Variants in C15orf61 observed in about 807,000 individuals in gnomAD.
C15orf61 encodes chromosome 15 open reading frame 61.
A neutral mutation model predicts 13.7 loss-of-function variants in C15orf61; 12 were observed. The observed-to-expected ratio is 0.88, with a 90% confidence interval of 0.56 to 1.42. The LOEUF is 1.42. Ranked by LOEUF, C15orf61 falls within the 40% of genes most tolerant of loss-of-function variation. The probability of loss-of-function intolerance (pLI) is 0.00; values close to 1 mark genes in which losing one functional copy is unlikely to be tolerated. For missense variants in C15orf61, 248 were observed against 213.2 expected (o/e 1.16, Z -1.02); for synonymous variants, 92 against 94.1 (o/e 0.98, Z 0.13).
chr15:67,521,848 C>A, intron 1 of C15orf61: 2 of 614,358 alleles, frequency 3.3e-6, no homozygotes, highest in Non-Finnish European at 5.8e-6. Context: ...GGGTCGCCCT[C>A]CTGTCCTGCC....
chr15:67,521,947 C>T, intron 1 of C15orf61: 3 of 687,908 alleles, frequency 4.4e-6, no homozygotes, highest in South Asian at 3.0e-5. Context: ...AAGTTGACAT[C>T]CGTCCTACTG....
rs757686013 is a variant in C15orf61 at position 67,521,338 on chromosome 15, C to T, written c.90C>T (p.Pro30=). 168 of 1,534,204 alleles carry T rather than the reference C, an allele frequency of 1.1e-4. No homozygotes were observed. Among genetic ancestry groups the T allele is most frequent in the Non-Finnish European group, 1.4e-4 (159 of 1,145,192 alleles). ...WASRAAARPK[P]SASEVLTRHL... ...CGCGCGCCGCCGCCCGCCCCAAGCC[C>T]AGCGCCTCGGAGGTGCTGACGCGGC... Residue 30 remains proline, a synonymous_variant, in exon 1 of 2, where the codon CCC becomes CCT. Coordinates refer to ENST00000342683, the MANE Select transcript of C15orf61 (RefSeq NM_001143936.2).
At chr15:67,524,836 T>TG (rs1021310214) in intron 1 of C15orf61, among the ~76,000 whole-genome samples, 19 of 122,332 alleles carry the variant, frequency 1.6e-4, no homozygotes, top group African/African-American at 3.8e-4. Context: ...CTTTTTTGTT[T>TG]GTTTTTTTTT....
rs118160235 is a variant in C15orf61 at position 67,521,664 on chromosome 15, C to G, written c.346+70C>G. The G allele has an allele frequency of 3.3e-3, 4,404 of 1,341,508 alleles. 15 individuals are homozygous for G. Among genetic ancestry groups the G allele is most frequent in the Non-Finnish European group, 4.0e-3 (3,990 of 996,484 alleles). 83.1% of individuals were successfully genotyped at this position (1,341,508 alleles called of 1,614,324 possible). Reference sequence around the variant, plus strand: ...GGGACGGCCCCTCAGCCACCGAGCACGTGACGAACGCTCGCAGGCCGGTAG... The same window carrying G: ...GGGACGGCCCCTCAGCCACCGAGCAGGTGACGAACGCTCGCAGGCCGGTAG... On this transcript the variant is annotated intron_variant, in intron 1 of 1. Transcript: ENST00000342683.
rs941495591 is a variant in C15orf61, at chr15:67,529,018, C to G, written c.*2473C>G. The G allele has an allele frequency of 6.6e-6, 1 of 152,178 alleles. No individual in the cohort carries two copies. Among genetic ancestry groups the G allele is most frequent in the Non-Finnish European group, 1.5e-5 (1 of 68,034 alleles). The allele number at this position is 152,178 out of a possible 1,614,324, so 9.4% of individuals were successfully genotyped here. ...TGTGGGGAGCTGAAGAGGCCCTTCTCTTCTGCATATCAGTAGTTTTCTTAA... is the reference window on the plus strand; with the variant it reads ...TGTGGGGAGCTGAAGAGGCCCTTCTGTTCTGCATATCAGTAGTTTTCTTAA... On this transcript the variant is annotated 3_prime_UTR_variant, in exon 2 of 2. Coordinates refer to ENST00000342683, the MANE Select transcript of C15orf61 (RefSeq NM_001143936.2). This position sits in a 1 kb window ranked among gnomAD's most constrained non-coding sequence, Gnocchi z 4.4.
chr15:67,528,033 GTTAAATA>G lies in C15orf61; in HGVS notation c.*1489_*1495del, dbSNP rs1486373899. ...ACTGATTTCCTCTGTAATGGGCAAA[GTTAAATA>G]ACTATAGCTCATAAGTTTTAAGTCA... On this transcript the variant is annotated 3_prime_UTR_variant, in exon 2 of 2. Transcript: ENST00000342683. 1 of 152,222 alleles carries G rather than the reference GTTAAATA, an allele frequency of 6.6e-6. No individual in the cohort carries two copies. The highest frequency in any genetic ancestry group is 1.5e-5 in the Non-Finnish European group (1 of 68,040). 9.4% of individuals were successfully genotyped at this position (152,222 alleles called of 1,614,324 possible).
rs895410842 is a variant in C15orf61, at chr15:67,522,165, A to G, written c.346+571A>G. On this transcript the variant is annotated intron_variant, in intron 1 of 1. Coordinates refer to ENST00000342683, the MANE Select transcript of C15orf61 (RefSeq NM_001143936.2). ...TTTTAAAGATCTTTAATATTTGTAT[A>G]TTTTCATGGAGACGCCCTGAGGATG... is the stretch of plus-strand genomic sequence containing the variant. 2.3e-5 allele frequency: 16 copies of G among 701,656 alleles called. No homozygotes were observed. The African/African-American group carries it at 2.6e-4, about 12-fold the overall frequency. 43.5% of individuals were successfully genotyped at this position (701,656 alleles called of 1,614,324 possible).
At chr15:67,521,887 G>C (rs2084167423) in intron 1 of C15orf61, 2 of 654,696 alleles carry the variant, frequency 3.1e-6, no homozygotes, top group Non-Finnish European at 5.5e-6. Flanking sequence ...CCCCTGGCCT[G>C]GGCAGTAAGC....
rs2084201786 is a variant in C15orf61, at chr15:67,526,853, A to G, written c.*308A>G. 5.5e-6 allele frequency: 1 copy of G among 181,946 alleles called. No individual in the cohort carries two copies. The highest frequency in any genetic ancestry group is 1.1e-5 in the Non-Finnish European group (1 of 88,180). 11.3% of individuals were successfully genotyped at this position (181,946 alleles called of 1,614,324 possible). A position where few individuals can be genotyped will look rare whatever the true frequency, so the allele number is the denominator to read the frequency against. Reference sequence around the variant, plus strand: ...AGATTCTATAGTTAATTAACAATTTAAATCAACTCTGAAGAGAAAATATAG... The same window carrying G: ...AGATTCTATAGTTAATTAACAATTTGAATCAACTCTGAAGAGAAAATATAG... On this transcript the variant is annotated 3_prime_UTR_variant, in exon 2 of 2. Coordinates refer to ENST00000342683, the MANE Select transcript of C15orf61 (RefSeq NM_001143936.2).
At chr15:67,522,912 A>G (rs1458263268) in intron 1 of C15orf61, among the ~76,000 whole-genome samples, 1 of 152,204 alleles carries the variant, frequency 6.6e-6, no homozygotes, top group Admixed American at 6.5e-5. Flanking sequence ...AGAGCACCTT[A>G]ATGATTAGGG....
rs2084163200 is a variant in C15orf61, at chr15:67,521,607, T to C, written c.346+13T>C. The C allele has an allele frequency of 6.6e-7, 1 of 1,504,554 alleles. No individual in the cohort carries two copies. The highest frequency in any genetic ancestry group is 1.4e-5 in the African/African-American group (1 of 71,966). 93.2% of individuals were successfully genotyped at this position (1,504,554 alleles called of 1,614,324 possible). A position where few individuals can be genotyped will look rare whatever the true frequency, so the allele number is the denominator to read the frequency against. On this transcript the variant is annotated intron_variant, in intron 1 of 1. Transcript: ENST00000342683. Reference sequence around the variant, plus strand: ...GTCGTCAACCTCGGTGAGTGGCGACTGCCGCGCCCACGCGGTGAAGCCCGC... The same window carrying C: ...GTCGTCAACCTCGGTGAGTGGCGACCGCCGCGCCCACGCGGTGAAGCCCGC...
Position 67,526,641 on chromosome 15 carries a change from C to T in C15orf61, c.*96C>T, listed in dbSNP as rs1433988690. 8.1e-7 allele frequency: 1 copy of T among 1,238,094 alleles called. No individual in the cohort carries two copies. Among genetic ancestry groups the T allele is most frequent in the Non-Finnish European group, 1.1e-6 (1 of 941,428 alleles). 76.7% of individuals were successfully genotyped at this position (1,238,094 alleles called of 1,614,324 possible). A position where few individuals can be genotyped will look rare whatever the true frequency, so the allele number is the denominator to read the frequency against. On this transcript the variant is annotated 3_prime_UTR_variant, in exon 2 of 2. Transcript: ENST00000342683. ...CTTTAAAATAAAACTTTTGCAAATACTTTTTTCTTTCTACAGTATCTGCTT... is the reference window on the plus strand; with the variant it reads ...CTTTAAAATAAAACTTTTGCAAATATTTTTTTCTTTCTACAGTATCTGCTT...
intron 1 of C15orf61, 172 bp downstream of exon 1, chr15:67,521,766 C>T: frequency 1.4e-6 from 1 of 728,542 alleles, no homozygotes; most frequent in South Asian, 1.9e-5. Context: ...CAGGGGGTCC[C>T]CAGCTTGCTG....
chr15:67,521,507 T>C lies in C15orf61; in HGVS notation c.259T>C (p.Phe87Leu). ...YHVLRTGCFP[F>L]IKYHCSKAPW... ...CGTCCTGCGCACCGGCTGCTTCCCC[T>C]TCATCAAGTACCACTGCTCCAAGGC... Residue 87 changes from phenylalanine to leucine, a missense_variant, in exon 1 of 2, where the codon TTC (phenylalanine) becomes CTC (leucine). By Grantham distance (22) the Phe-to-Leu change is conservative. Transcript: ENST00000342683. 1 of 1,548,556 alleles carries C rather than the reference T, an allele frequency of 6.5e-7. No homozygotes were observed. Among genetic ancestry groups the C allele is most frequent in the Non-Finnish European group, 8.7e-7 (1 of 1,146,726 alleles).
chr15:67,525,141 C>A lies in C15orf61; in HGVS notation c.347-1277C>A, dbSNP rs976526507. Reference sequence around the variant, plus strand: ...GTGAGCCACAGTGCCCAGCCGCGTTCTTTATTACTAGAAAGAAAGTGATTT... The same window carrying A: ...GTGAGCCACAGTGCCCAGCCGCGTTATTTATTACTAGAAAGAAAGTGATTT... On this transcript the variant is annotated intron_variant, in intron 1 of 1. Coordinates refer to ENST00000342683, the MANE Select transcript of C15orf61 (RefSeq NM_001143936.2). This position sits in a 1 kb window ranked among gnomAD's most constrained non-coding sequence, Gnocchi z 4.9. Among the ~76,000 whole-genome samples, 1 of 152,164 alleles carries A rather than the reference C, an allele frequency of 6.6e-6. No homozygotes were observed. The highest frequency in any genetic ancestry group is 2.4e-5 in the African/African-American group (1 of 41,442).
At chr15:67,521,684 C>A in intron 1 of C15orf61, 90 bp downstream of exon 1, 1 of 1,253,648 alleles carries the variant, frequency 8.0e-7, no homozygotes, top group Non-Finnish European at 1.1e-6. Flanking sequence ...GCTCGCAGGC[C>A]GGTAGAGTCC....
intron 1 of C15orf61, chr15:67,521,801 G>C: frequency 6.3e-6 from 4 of 633,868 alleles, no homozygotes; most frequent in Non-Finnish European, 1.1e-5. Context: ...GAAGCCGTTC[G>C]CCTGCTGCGG....
chr15:67,521,460 C>A lies in C15orf61; in HGVS notation c.212C>A (p.Pro71Gln). Residue 71 changes from proline (P) to glutamine (Q), a missense_variant, in exon 1 of 2, where the codon CCG (proline) becomes CAG (glutamine). Physicochemically the swap from Pro to Gln is moderately conservative, Grantham distance 76. Transcript: ENST00000342683. ...TTCGGCCTCTCGCACTTCAACTGGC[C>A]GGTGCAGGGCGCCAACTACCACGTC... ...DQFGLSHFNW[P>Q]VQGANYHVLR... 1.3e-6 allele frequency: 2 copies of A among 1,548,022 alleles called. No individual in the cohort carries two copies. The highest frequency in any genetic ancestry group is 1.7e-6 in the Non-Finnish European group (2 of 1,146,752).
chr15:67,524,097 A>T (rs898320485), intron 1 of C15orf61, among the ~76,000 whole-genome samples: 1 of 152,220 alleles, frequency 6.6e-6, no homozygotes, highest in African/African-American at 2.4e-5. Context: ...AACTATGATA[A>T]ATACTATAAA....
Sources: gnomAD v4.1 joint callset for allele counts (sites outside exome capture counted in the v4.1 genomes callset) on GRCh38, gnomAD v4.1.1 for gene constraint, Gnocchi (gnomAD v3.1) non-coding constraint, MANE v1.5 for transcripts, NCBI Gene and HGNC (gene_info 2026-07-23, HGNC 2026-07-21) for gene names.